EIPR1: variants seen among roughly 807,000 people sequenced by gnomAD.
EIPR1 encodes EARP complex and GARP complex interacting protein 1.
In EIPR1, 25 loss-of-function variants were observed where a neutral mutation model predicts 48.1. That is an observed-to-expected ratio of 0.52 (90% CI 0.38 to 0.73). EIPR1 has a LOEUF of 0.73. Among genes scored for constraint, EIPR1 ranks in the 30% least tolerant of loss-of-function variants. EIPR1 has a pLI of 0.00. For missense variants in EIPR1, 415 were observed against 506.2 expected, an observed-to-expected ratio of 0.82 and a Z score of 1.73; for synonymous variants, 204 against 201.9, an observed-to-expected ratio of 1.01 and a Z score of -0.09.
chr2:3,238,263 G>A (rs6548139), intron 4 of EIPR1, among the ~76,000 whole-genome samples: 139,250 of 152,240 alleles, frequency 0.91, 64,170 homozygotes, highest in East Asian at 0.98. Context: ...GCTCAGGACC[G>A]GAGTCACCAA....
intron 4 of EIPR1, among the ~76,000 whole-genome samples, chr2:3,247,737 G>C (rs1478285029): frequency 2.0e-5 from 3 of 152,072 alleles, no homozygotes; most frequent in African/African-American, 4.8e-5. Flanking sequence ...CATTGACTCA[G>C]GGAGAAACCT....
At position 3,301,868 on chromosome 2, in the gene EIPR1, G is replaced by A. The variant is rs553299709; in HGVS notation, c.259+36149C>T. ...AGGTGTTTCTATCAGGAACACGTGG[G>A]AATAAAAACAAATTTAGAACTCACA... On this transcript the variant is annotated intron_variant, in intron 3 of 8. Transcript: ENST00000382125. Among the ~76,000 whole-genome samples the A allele has an allele frequency of 3.3e-5, 5 of 152,302 alleles. No homozygotes were observed. The South Asian group carries it at 1.0e-3, about 32-fold the overall frequency.
At chr2:3,323,611 C>G (rs1669602127) in intron 3 of EIPR1, among the ~76,000 whole-genome samples, 2 of 152,202 alleles carry the variant, frequency 1.3e-5, no homozygotes, top group Non-Finnish European at 2.9e-5. Flanking sequence ...CGTGAGCAGC[C>G]TCCTCCTGAG....
chr2:3,331,252 C>T (rs71444250), intron 3 of EIPR1, among the ~76,000 whole-genome samples: 6,399 of 74,650 alleles, frequency 0.086, 800 homozygotes, highest in African/African-American at 0.15. Context: ...CAGGTGTGTA[C>T]ACACTCATGA....
At chr2:3,256,260 C>G (rs1256020462) in intron 4 of EIPR1, among the ~76,000 whole-genome samples, 1 of 152,224 alleles carries the variant, frequency 6.6e-6, no homozygotes, top group Non-Finnish European at 1.5e-5. Flanking sequence ...TTCCAAACTC[C>G]ACCTCGTAAG....
chr2:3,253,905 G>A (rs1667076812), intron 4 of EIPR1, among the ~76,000 whole-genome samples: 1 of 152,170 alleles, frequency 6.6e-6, no homozygotes, highest in South Asian at 2.1e-4. Flanking sequence ...TTCCTGCGGT[G>A]TGGGGCATGC....
intron 3 of EIPR1, among the ~76,000 whole-genome samples, chr2:3,275,432 A>G (rs549771796): frequency 6.6e-6 from 1 of 150,826 alleles, no homozygotes; most frequent in African/African-American, 2.5e-5. Flanking sequence ...ATAGTGGGAG[A>G]CTTTAAATCT....
At chr2:3,343,757 A>AGGGCCAGGCTGCCGAGTACAGAGCTGTG in intron 2 of EIPR1, among the ~76,000 whole-genome samples, 1 of 152,218 alleles carries the variant, frequency 6.6e-6, no homozygotes, top group Non-Finnish European at 1.5e-5. Flanking sequence ...GCCACAGCCC[A>AGGGCCAGGCTGCCGAGTACAGAGCTGTG]GGGCCAGGCT....
In EIPR1 at chr2:3,312,507, G is replaced by A. The variant is rs1315757182; in HGVS notation, c.259+25510C>T. ...CACCCTGTCCAATATTCCATCTCCA[G>A]GTTCCCATGGTCCTCCCAAGGCTCC... On this transcript the variant is annotated intron_variant, in intron 3 of 8. Transcript: ENST00000382125. This position sits in a 1 kb window ranked among gnomAD's most constrained non-coding sequence, Gnocchi z 5.5. Among the ~76,000 whole-genome samples the A allele has an allele frequency of 5.3e-5, 8 of 152,076 alleles. No homozygotes were observed. The highest frequency in any genetic ancestry group is 4.2e-4 in the South Asian group (2 of 4,808).
intron 1 of EIPR1, among the ~76,000 whole-genome samples, chr2:3,360,709 C>T (rs948989679): frequency 1.3e-5 from 2 of 152,154 alleles, no homozygotes; most frequent in African/African-American, 4.8e-5. Flanking sequence ...CAAACCGTGT[C>T]CATTAAAGCT....
chr2:3,372,537 A>G (rs552782670), intron 1 of EIPR1, among the ~76,000 whole-genome samples: 33 of 152,386 alleles, frequency 2.2e-4, no homozygotes, highest in Admixed American at 1.6e-3. Context: ...ATAAAAAATG[A>G]CGAAGGGGAT....
At chr2:3,220,202 G>A (rs139956303) in intron 4 of EIPR1, among the ~76,000 whole-genome samples, 74 of 152,306 alleles carry the variant, frequency 4.9e-4, no homozygotes, top group African/African-American at 1.7e-3. Flanking sequence ...CTGCCATAGA[G>A]CATTTACAAT....
chr2:3,334,520 G>A (rs1303031835), intron 3 of EIPR1, among the ~76,000 whole-genome samples: 1 of 152,268 alleles, frequency 6.6e-6, no homozygotes, highest in African/African-American at 2.4e-5. Flanking sequence ...CCTGAAGCAG[G>A]AGGGCCTGGC....
intron 3 of EIPR1, among the ~76,000 whole-genome samples, chr2:3,276,121 T>C (rs1017262285): frequency 1.3e-5 from 2 of 152,248 alleles, no homozygotes; most frequent in Non-Finnish European, 2.9e-5. Context: ...GGCATTGCTA[T>C]GAAACACAGA....
At chr2:3,271,435 T>C (rs886572726) in intron 3 of EIPR1, among the ~76,000 whole-genome samples, 2 of 152,210 alleles carry the variant, frequency 1.3e-5, no homozygotes, top group Non-Finnish European at 2.9e-5. Flanking sequence ...ATTTCTTAAA[T>C]AATAAGACTT....
At chr2:3,294,979 C>T (rs1241566818) in intron 3 of EIPR1, among the ~76,000 whole-genome samples, 2 of 68,806 alleles carry the variant, frequency 2.9e-5, no homozygotes, top group African/African-American at 1.1e-4. Context: ...CCAGCCCATC[C>T]TCTCTACACA....
chr2:3,206,056 G>T (rs748731921), intron 5 of EIPR1, among the ~76,000 whole-genome samples: 58 of 152,170 alleles, frequency 3.8e-4, no homozygotes, highest in Non-Finnish European at 3.2e-4. Flanking sequence ...GGAGGCGATG[G>T]AAATGAAATC....
chr2:3,264,919 T>C lies in EIPR1; in HGVS notation c.260-7464A>G, dbSNP rs180980175. Among the ~76,000 whole-genome samples the C allele has an allele frequency of 3.3e-3, 503 of 152,198 alleles. 1 individual carries two copies. The highest frequency in any genetic ancestry group is 0.012 in the African/African-American group (499 of 41,506). On this transcript the variant is annotated intron_variant, in intron 3 of 8. Transcript: ENST00000382125. ...TCAGGCTGGTCTCGAACTCCTGACCTTGTGATCCGCCCTCCTCAGCCTCCC... is the reference window on the plus strand; with the variant it reads ...TCAGGCTGGTCTCGAACTCCTGACCCTGTGATCCGCCCTCCTCAGCCTCCC...
chr2:3,214,577 T>C (rs10200437), intron 4 of EIPR1: 175,209 of 190,640 alleles, frequency 0.92, 80,922 homozygotes, highest in East Asian at 0.97. Flanking sequence ...GAAAATGCAG[T>C]GGATGCACCT....
Sources: gnomAD v4.1 joint callset for allele counts (sites outside exome capture counted in the v4.1 genomes callset) on GRCh38, gnomAD v4.1.1 for gene constraint, Gnocchi (gnomAD v3.1) non-coding constraint, MANE v1.5 for transcripts, NCBI Gene and HGNC (gene_info 2026-07-23, HGNC 2026-07-21) for gene names.